Variants in PRKN observed in about 807,000 individuals in gnomAD.
The protein encoded by PRKN is parkin RBR E3 ubiquitin protein ligase.
Under a neutral mutation model 59.5 loss-of-function variants are expected in PRKN, and 56 were observed. The ratio of observed to expected loss-of-function variants is 0.94; its 90% CI spans 0.76 to 1.18. PRKN has a LOEUF of 1.18. Among genes scored for constraint, PRKN ranks in the 50% most tolerant of loss-of-function variants. PRKN has a pLI of 0.00. For missense variants in PRKN, 657 were observed against 596.4 expected, an observed-to-expected ratio of 1.10 and a Z score of -1.06; for synonymous variants, 250 against 222.1, an observed-to-expected ratio of 1.13 and a Z score of -1.12.
At chr6:161,641,372 TG>T (rs1296699891) in intron 7 of PRKN, among the ~76,000 whole-genome samples, 1 of 152,186 alleles carries the variant, frequency 6.6e-6, no homozygotes, top group Non-Finnish European at 1.5e-5. Flanking sequence ...ATGGATCAGT[TG>T]GGACCACCCA....
chr6:161,745,727 G>C (rs977237311), intron 7 of PRKN, among the ~76,000 whole-genome samples: 3 of 152,156 alleles, frequency 2.0e-5, no homozygotes, highest in African/African-American at 7.2e-5. Flanking sequence ...AGACGGCAAG[G>C]GGAGGATTCC....
chr6:161,881,743 G>T (rs1449039602), intron 6 of PRKN, among the ~76,000 whole-genome samples: 2 of 152,326 alleles, frequency 1.3e-5, no homozygotes, highest in East Asian at 3.9e-4. Flanking sequence ...AAAGGACTAA[G>T]CATGATTGTC....
chr6:162,046,041 C>T (rs1209683752), intron 5 of PRKN, among the ~76,000 whole-genome samples: 1 of 152,204 alleles, frequency 6.6e-6, no homozygotes, highest in Non-Finnish European at 1.5e-5. Context: ...GTATCTATTA[C>T]TATCTTTTCC....
At chr6:161,854,608 TCTAATG>T (rs1347393523) in intron 6 of PRKN, among the ~76,000 whole-genome samples, 1 of 152,124 alleles carries the variant, frequency 6.6e-6, no homozygotes, top group Non-Finnish European at 1.5e-5. Context: ...TATACCTACA[TCTAATG>T]TAGTTATGGT....
At chr6:162,025,282 C>T (rs148489886) in intron 5 of PRKN, among the ~76,000 whole-genome samples, 20 of 152,156 alleles carry the variant, frequency 1.3e-4, no homozygotes, top group African/African-American at 3.6e-4. Flanking sequence ...GGATTACAGG[C>T]GTGAGCCACC....
chr6:162,512,826 T>C (rs1768900665), intron 1 of PRKN, among the ~76,000 whole-genome samples: 1 of 152,162 alleles, frequency 6.6e-6, no homozygotes, highest in African/African-American at 2.4e-5. Flanking sequence ...ATATTATCCA[T>C]TTACTTATTT....
intron 1 of PRKN, among the ~76,000 whole-genome samples, chr6:162,563,954 A>C (rs1366571180): frequency 6.6e-6 from 1 of 150,922 alleles, no homozygotes; most frequent in East Asian, 2.0e-4. Flanking sequence ...TTGAATACAG[A>C]CTATTTGAAA....
chr6:162,489,879 C>A (rs112085507), intron 1 of PRKN, among the ~76,000 whole-genome samples: 4 of 152,194 alleles, frequency 2.6e-5, no homozygotes, highest in Non-Finnish European at 4.4e-5. Flanking sequence ...AGGGTCACAA[C>A]CCCTCCTCAT....
At chr6:162,216,974 G>A (rs1389390388) in intron 3 of PRKN, among the ~76,000 whole-genome samples, 3 of 152,138 alleles carry the variant, frequency 2.0e-5, no homozygotes, top group Non-Finnish European at 4.4e-5. Flanking sequence ...ACCAGGTGAA[G>A]CCTGCAATAG....
chr6:162,458,025 G>A (rs1406652712), intron 1 of PRKN, among the ~76,000 whole-genome samples: 4 of 151,498 alleles, frequency 2.6e-5, no homozygotes, highest in South Asian at 4.2e-4. Flanking sequence ...AGAGGCTGAG[G>A]TGGGTGGATC....
chr6:161,797,855 A>G lies in PRKN; in HGVS notation c.735-11947T>C, dbSNP rs544643422. ...CCAGAAAAGGATTGTATACCATCCC[A>G]AAGTATTTTCCAAAATATAATAAAA... On this transcript the variant is annotated intron_variant, in intron 6 of 11. Transcript: ENST00000366898. Among the ~76,000 whole-genome samples, 153 of 152,342 alleles carry G rather than the reference A, an allele frequency of 1.0e-3. 2 individuals are homozygous for G. The South Asian group carries it at 0.031, about 31-fold the overall frequency.
chr6:162,389,264 C>A (rs1378106387), intron 2 of PRKN, among the ~76,000 whole-genome samples: 1 of 152,054 alleles, frequency 6.6e-6, no homozygotes, highest in East Asian at 1.9e-4. Context: ...CAGCTTAATC[C>A]TGTTGAAAGA....
At chr6:161,721,167 G>T (rs1381217469) in intron 7 of PRKN, among the ~76,000 whole-genome samples, 1 of 152,172 alleles carries the variant, frequency 6.6e-6, no homozygotes, top group Non-Finnish European at 1.5e-5. Flanking sequence ...AAACAGAAAA[G>T]TCAAATTAAA....
rs149431555 is a variant in PRKN at position 161,506,928 on chromosome 6, G to A, written c.1083+41926C>T. ...TTGGGCAAGGCTGCCACGGAGCCAG[G>A]AGCAGCCTCACAGGAGGCTGAGGAG... On this transcript the variant is annotated intron_variant, in intron 9 of 11. Transcript: ENST00000366898. 1.1e-3 allele frequency among the ~76,000 whole-genome samples: 168 copies of A among 152,244 alleles called. 2 individuals are homozygous for A. The East Asian group carries it at 0.024, about 22-fold the overall frequency.
At chr6:162,294,382 C>T (rs1382143948) in intron 2 of PRKN, among the ~76,000 whole-genome samples, 1 of 152,102 alleles carries the variant, frequency 6.6e-6, no homozygotes, top group Non-Finnish European at 1.5e-5. Flanking sequence ...GAAGCAGAGA[C>T]TCTAATTAAA....
intron 1 of PRKN, among the ~76,000 whole-genome samples, chr6:162,524,115 A>C (rs1406584725): frequency 6.6e-6 from 1 of 152,182 alleles, no homozygotes; most frequent in East Asian, 1.9e-4. Flanking sequence ...ATGAAAAACA[A>C]ATATGCTTAT....
intron 6 of PRKN, among the ~76,000 whole-genome samples, chr6:161,865,551 A>G (rs7745104): frequency 0.071 from 10,827 of 152,238 alleles, 1,285 homozygotes; most frequent in African/African-American, 0.25. Flanking sequence ...CATTTAAGCT[A>G]GATCTTCTGG....
At chr6:161,674,016 TAC>T (rs1394380825) in intron 7 of PRKN, among the ~76,000 whole-genome samples, 1 of 152,170 alleles carries the variant, frequency 6.6e-6, no homozygotes, top group Non-Finnish European at 1.5e-5. Flanking sequence ...GCTAAAGCTA[TAC>T]ATTTTGGAAT....
Position 161,545,045 on chromosome 6 carries a change from T to C in PRKN, c.1083+3809A>G, listed in dbSNP as rs1779747052. The C allele has an allele frequency of 1.8e-6, 1 of 566,448 alleles. No individual in the cohort carries two copies. Among genetic ancestry groups the C allele is most frequent in the Non-Finnish European group, 2.4e-6 (1 of 419,886 alleles). 35.1% of individuals were successfully genotyped at this position (566,448 alleles called of 1,614,324 possible). A position where few individuals can be genotyped will look rare whatever the true frequency, so the allele number is the denominator to read the frequency against. On this transcript the variant is annotated intron_variant, in intron 9 of 11. Coordinates refer to ENST00000366898, the MANE Select transcript of PRKN (RefSeq NM_004562.3). The surrounding 1 kb of genome is among the most constrained non-coding windows in gnomAD (Gnocchi z 4.1). ...AAATGACTAGAAGATTAGAATCCTC[T>C]GGAGCCCAGAGCTCAACACATGGGT...
Sources: gnomAD v4.1 joint callset for allele counts (sites outside exome capture counted in the v4.1 genomes callset) on GRCh38, gnomAD v4.1.1 for gene constraint, Gnocchi (gnomAD v3.1) non-coding constraint, MANE v1.5 for transcripts, NCBI Gene and HGNC (gene_info 2026-07-23, HGNC 2026-07-21) for gene names.